FANCC: variants seen among roughly 807,000 people sequenced by gnomAD.
The protein encoded by FANCC is Fanconi anemia group C protein.
A neutral mutation model predicts 71.3 loss-of-function variants in FANCC; 55 were observed. The ratio of observed to expected loss-of-function variants is 0.77; its 90% CI spans 0.62 to 0.97. The LOEUF is 0.97. FANCC is among the 50% of genes least tolerant of loss of function. The pLI, the probability that FANCC is intolerant of heterozygous loss-of-function variation, is 0.00. For synonymous variants in FANCC, 275 were observed against 244.9 expected (o/e 1.12, Z -1.15); for missense variants, 678 against 670.9 (o/e 1.01, Z -0.12).
chr9:95,107,591 A>C, intron 13 of FANCC: 1 of 455,738 alleles, frequency 2.2e-6, no homozygotes, highest in Non-Finnish European at 4.0e-6. Flanking sequence ...GAAAAAGAAC[A>C]AAAGGCTCCT....
intron 4 of FANCC, among the ~76,000 whole-genome samples, chr9:95,240,053 C>T (rs1312317067): frequency 1.3e-5 from 2 of 152,176 alleles, no homozygotes; most frequent in African/African-American, 4.8e-5. Flanking sequence ...GCCTACCCTT[C>T]AGGAGAAAGT....
At chr9:95,236,463 T>G (rs566037148) in intron 4 of FANCC, among the ~76,000 whole-genome samples, 1 of 152,322 alleles carries the variant, frequency 6.6e-6, no homozygotes, top group South Asian at 2.1e-4. Flanking sequence ...TAAGAAGAGC[T>G]GTTGAGGTGG....
intron 6 of FANCC, among the ~76,000 whole-genome samples, chr9:95,151,957 A>G (rs982626637): frequency 2.0e-5 from 3 of 151,914 alleles, no homozygotes; most frequent in Admixed American, 6.6e-5. Flanking sequence ...ACAAAAAACA[A>G]AACAAAAAAA....
intron 1 of FANCC, among the ~76,000 whole-genome samples, chr9:95,252,340 G>A (rs552460412): frequency 6.7e-6 from 1 of 148,946 alleles, no homozygotes; most frequent in East Asian, 2.0e-4. Flanking sequence ...ACAAACTGAT[G>A]AATTTCTTAT....
In FANCC at chr9:95,148,075, C is replaced by A. The variant is rs563193543; in HGVS notation, c.686+1848G>T. Among the ~76,000 whole-genome samples, 141 of 152,274 alleles carry A rather than the reference C, an allele frequency of 9.3e-4. 2 individuals are homozygous for A. Among genetic ancestry groups the A allele is most frequent in the Non-Finnish European group, 1.9e-4 (13 of 68,024 alleles). Reference sequence around the variant, plus strand: ...AGCTGTGTCTCAGTGGGAATCAGAGCCGAGACAGCCCTCACGCTACTCTTC... The same window carrying A: ...AGCTGTGTCTCAGTGGGAATCAGAGACGAGACAGCCCTCACGCTACTCTTC... On this transcript the variant is annotated intron_variant, in intron 7 of 14. Coordinates refer to ENST00000289081, the MANE Select transcript of FANCC (RefSeq NM_000136.3).
chr9:95,136,329 G>C (rs898058055), intron 7 of FANCC, among the ~76,000 whole-genome samples: 8 of 152,056 alleles, frequency 5.3e-5, no homozygotes, highest in Non-Finnish European at 1.0e-4. Context: ...AGCCCAGGAG[G>C]CTGTGTTCAC....
intron 5 of FANCC, 106 bp from the exon 6 acceptor site, chr9:95,171,249 C>A: frequency 2.4e-6 from 2 of 818,526 alleles, no homozygotes; most frequent in Admixed American, 1.9e-5. Flanking sequence ...CCCCCAACCC[C>A]CATCTTCTCA....
intron 4 of FANCC, among the ~76,000 whole-genome samples, chr9:95,188,960 T>A (rs1049500659): frequency 6.6e-6 from 1 of 152,202 alleles, no homozygotes; most frequent in Non-Finnish European, 1.5e-5. Flanking sequence ...AAAAAAAGAA[T>A]TTCCTTTCAT....
intron 1 of FANCC, among the ~76,000 whole-genome samples, chr9:95,284,166 C>A (rs1383921104): frequency 2.0e-5 from 3 of 152,170 alleles, no homozygotes; most frequent in African/African-American, 7.2e-5. Flanking sequence ...AAACACCTGT[C>A]GGCAAAACTG....
intron 6 of FANCC, among the ~76,000 whole-genome samples, chr9:95,153,425 C>A (rs1437739533): frequency 1.3e-5 from 2 of 152,002 alleles, no homozygotes; most frequent in South Asian, 2.1e-4. Context: ...AATCTCCATA[C>A]TGTTTTCCAT....
intron 10 of FANCC, among the ~76,000 whole-genome samples, chr9:95,119,774 T>C (rs1018196829): frequency 2.0e-5 from 3 of 152,218 alleles, no homozygotes; most frequent in Non-Finnish European, 2.9e-5. Flanking sequence ...TGCAGTGGCA[T>C]GATCACAGCT....
intron 1 of FANCC, among the ~76,000 whole-genome samples, chr9:95,278,446 C>G (rs1455530986): frequency 6.6e-6 from 1 of 152,164 alleles, no homozygotes; most frequent in East Asian, 1.9e-4. Context: ...AAATAGAACA[C>G]TTGAATAACA....
At chr9:95,301,564 A>G (rs1277394445) in intron 1 of FANCC, among the ~76,000 whole-genome samples, 1 of 151,872 alleles carries the variant, frequency 6.6e-6, no homozygotes, top group East Asian at 1.9e-4. Flanking sequence ...AGTAGCTGGG[A>G]CCACAGGCAT....
chr9:95,285,962 A>T (rs1176993008), intron 1 of FANCC, among the ~76,000 whole-genome samples: 1 of 152,242 alleles, frequency 6.6e-6, no homozygotes, highest in African/African-American at 2.4e-5. Flanking sequence ...GCAATGAATT[A>T]TATAATTTGT....
intron 1 of FANCC, among the ~76,000 whole-genome samples, chr9:95,314,643 A>C (rs1835631189): frequency 6.6e-6 from 1 of 151,576 alleles, no homozygotes. Context: ...ACAGAGCGAG[A>C]CTCTGTCTCA....
At chr9:95,206,443 T>C (rs1828125895) in intron 4 of FANCC, among the ~76,000 whole-genome samples, 1 of 152,202 alleles carries the variant, frequency 6.6e-6, no homozygotes, top group Admixed American at 6.5e-5. Context: ...GCATGTGTTG[T>C]GGCAAGTCCC....
intron 1 of FANCC, among the ~76,000 whole-genome samples, chr9:95,267,786 A>C (rs980751297): frequency 2.6e-5 from 4 of 152,250 alleles, no homozygotes. Flanking sequence ...AAAATAAGAA[A>C]GTATAAATTG....
intron 1 of FANCC, among the ~76,000 whole-genome samples, chr9:95,260,698 A>AC (rs1307690021): frequency 2.0e-5 from 3 of 151,964 alleles, no homozygotes; most frequent in African/African-American, 4.8e-5. Flanking sequence ...AAAAAAAAAA[A>AC]AAAACTTCCA....
At chr9:95,252,289 A>AG (rs1443911264) in intron 1 of FANCC, among the ~76,000 whole-genome samples, 50 of 148,908 alleles carry the variant, frequency 3.4e-4, no homozygotes, top group Admixed American at 6.7e-4. Context: ...AAAAAAAAAA[A>AG]AAAAAGAAAA....
Sources: allele counts gnomAD v4.1 joint callset (sites outside exome capture counted in the v4.1 genomes callset), GRCh38; gene constraint gnomAD v4.1.1; transcripts MANE v1.5; gene names NCBI Gene and HGNC (gene_info 2026-07-23, HGNC 2026-07-21).